MUSK: variants seen among roughly 807,000 people sequenced by gnomAD.
MUSK encodes muscle, skeletal receptor tyrosine-protein kinase.
Under a neutral mutation model 88.7 loss-of-function variants are expected in MUSK, and 55 were observed. The observed-to-expected ratio is 0.62, with a 90% CI of 0.50 to 0.78. The LOEUF (loss-of-function observed/expected upper bound fraction) is 0.78. Among genes scored for constraint, MUSK ranks in the 30% least tolerant of loss-of-function variants. The pLI is 0.00. For synonymous variants in MUSK, 387 were observed against 391.9 expected, an observed-to-expected ratio of 0.99 and a Z score of 0.15; for missense variants, 1,015 against 1,074.3, an observed-to-expected ratio of 0.94 and a Z score of 0.77.
intron 11 of MUSK, among the ~76,000 whole-genome samples, chr9:110,783,884 A>C (rs2077806637): frequency 6.6e-6 from 1 of 152,022 alleles, no homozygotes; most frequent in South Asian, 2.1e-4. Flanking sequence ...GCTTGTGTCT[A>C]ATCTATAACT....
chr9:110,689,718 T>TAGTTATATATAAATATATAACTATA (rs370720549), intron 3 of MUSK, among the ~76,000 whole-genome samples: 1 of 51,662 alleles, frequency 1.9e-5, no homozygotes, highest in Non-Finnish European at 2.9e-5. Flanking sequence ...TAACTATATA[T>TAGTTATATATAAATATATAACTATA]GTTATATATA....
intron 11 of MUSK, among the ~76,000 whole-genome samples, chr9:110,783,012 T>C (rs1003123737): frequency 6.6e-6 from 1 of 152,236 alleles, no homozygotes; most frequent in African/African-American, 2.4e-5. Flanking sequence ...ACTTCATGTA[T>C]GACTAAGAAG....
In MUSK at chr9:110,728,350, C is replaced by T. The variant is rs1265930947; in HGVS notation, c.629-5901C>T. ...GAACGCAATGTATGAGAATAGTAGGCACTCTGTAGCCTTGAAAGAAAGGGT... is the reference window on the plus strand; with the variant it reads ...GAACGCAATGTATGAGAATAGTAGGTACTCTGTAGCCTTGAAAGAAAGGGT... On this transcript the variant is annotated intron_variant, in intron 5 of 14. Transcript: ENST00000374448. The T allele has an allele frequency of 3.4e-5, 9 of 265,802 alleles. No homozygotes were observed. The East Asian group carries it at 9.3e-4, about 27-fold the overall frequency. The allele number at this position is 265,802 out of a possible 1,614,324, so 16.5% of individuals were successfully genotyped here.
intron 6 of MUSK, among the ~76,000 whole-genome samples, chr9:110,746,926 T>A (rs1180797100): frequency 6.6e-6 from 1 of 152,152 alleles, no homozygotes; most frequent in East Asian, 1.9e-4. Context: ...GTTATGAAAA[T>A]AAGTCCTTAA....
chr9:110,682,469 T>C (rs2076146361), intron 1 of MUSK, among the ~76,000 whole-genome samples: 2 of 152,098 alleles, frequency 1.3e-5, no homozygotes, highest in Admixed American at 6.6e-5. Flanking sequence ...CCTGCTCTCC[T>C]GAGAGACTTC....
At chr9:110,689,068 AG>A (rs2076240902) in intron 3 of MUSK, among the ~76,000 whole-genome samples, 1 of 139,388 alleles carries the variant, frequency 7.2e-6, no homozygotes, top group African/African-American at 2.6e-5. Context: ...ATATAGCTAT[AG>A]TTATATATAG....
chr9:110,783,375 C>A (rs772042928), intron 11 of MUSK, among the ~76,000 whole-genome samples: 35 of 151,976 alleles, frequency 2.3e-4, no homozygotes, highest in Middle Eastern at 3.5e-3. Flanking sequence ...AAAAGAATGT[C>A]TTTTATAATG....
In MUSK at chr9:110,775,798, T is replaced by C; in HGVS notation, c.1195T>C (p.Leu399=). Residue 399 remains leucine (L), a synonymous_variant, in exon 10 of 15, where the codon TTG becomes CTG. Coordinates refer to ENST00000374448, the MANE Select transcript of MUSK (RefSeq NM_005592.4). ...CATATACTATTTTAGAGAGTACTGCTTGGCAGTAAAGGAGCTCTTCTGCGC... is the reference window on the plus strand; with the variant it reads ...CATATACTATTTTAGAGAGTACTGCCTGGCAGTAAAGGAGCTCTTCTGCGC... The part of the protein sequence containing the change: ...TPIPICREYC[L]AVKELFCAKE... 6.2e-7 allele frequency: 1 copy of C among 1,613,726 alleles called. No homozygotes were observed. The highest frequency in any genetic ancestry group is 2.2e-5 in the East Asian group (1 of 44,884).
chr9:110,775,121 C>A (rs2077646756), intron 9 of MUSK, among the ~76,000 whole-genome samples: 1 of 152,098 alleles, frequency 6.6e-6, no homozygotes, highest in African/African-American at 2.4e-5. Flanking sequence ...TTCTTCAGCC[C>A]CTTCACTCAT....
At chr9:110,722,460 G>A (rs184223063) in intron 5 of MUSK, among the ~76,000 whole-genome samples, 35 of 152,080 alleles carry the variant, frequency 2.3e-4, no homozygotes, top group African/African-American at 7.0e-4. Flanking sequence ...AAACTGGGAG[G>A]TGGAGGTTGC....
At chr9:110,786,924 G>A (rs145990385) in intron 13 of MUSK, among the ~76,000 whole-genome samples, 1 of 152,204 alleles carries the variant, frequency 6.6e-6, no homozygotes, top group African/African-American at 2.4e-5. Context: ...CTGGCGTAGA[G>A]GTTACATGAA....
At chr9:110,699,185 T>G (rs2076470707) in intron 5 of MUSK, among the ~76,000 whole-genome samples, 1 of 152,182 alleles carries the variant, frequency 6.6e-6, no homozygotes. Context: ...TCAGTAACAT[T>G]GAATACTGCC....
rs761610023 is a variant in MUSK, at chr9:110,784,831, G to A, written c.1401G>A (p.Thr467=). The change falls in exon 12 of 15, where the codon ACG becomes ACA. Residue 467 remains threonine, a synonymous_variant. Transcript: ENST00000374448. ...TACTTACAGCATTCCCACCAATGAC[G>A]TCCTCAAAGCCAAGTGTGGACATTC... is the stretch of plus-strand genomic sequence containing the variant. ...KENLKTFPPM[T]SSKPSVDIPN... 1.4e-5 allele frequency: 22 copies of A among 1,610,164 alleles called. No homozygotes were observed. In the East Asian group the frequency reaches 2.0e-4, roughly 15 times the overall value.
chr9:110,689,683 CT>C (rs2076269362), intron 3 of MUSK, among the ~76,000 whole-genome samples: 1 of 61,448 alleles, frequency 1.6e-5, no homozygotes, highest in Non-Finnish European at 2.6e-5. Flanking sequence ...TTATATATAA[CT>C]ATATATAGTT....
At chr9:110,779,787 T>A (rs1474691217) in intron 11 of MUSK, among the ~76,000 whole-genome samples, 1 of 152,212 alleles carries the variant, frequency 6.6e-6, no homozygotes, top group Non-Finnish European at 1.5e-5. Context: ...CAATTCATAA[T>A]TATTTTTATT....
chr9:110,714,568 A>T (rs1220176187), intron 5 of MUSK, among the ~76,000 whole-genome samples: 2 of 152,204 alleles, frequency 1.3e-5, no homozygotes, highest in Admixed American at 1.3e-4. Context: ...AAACGTAAAC[A>T]GTGGCAGTAC....
chr9:110,776,067 A>ATTT, intron 10 of MUSK, 104 bp downstream of exon 10: 10 of 1,091,048 alleles, frequency 9.2e-6, no homozygotes, highest in African/African-American at 1.6e-5. Flanking sequence ...GGCATTTCTA[A>ATTT]TTTTTTTTTT....
intron 14 of MUSK, among the ~76,000 whole-genome samples, chr9:110,788,380 T>A (rs2077910087): frequency 6.6e-6 from 1 of 151,866 alleles, no homozygotes; most frequent in African/African-American, 2.4e-5. Flanking sequence ...GCCTATAATC[T>A]CAGCACTTTA....
chr9:110,763,109 A>T (rs1228847955), intron 8 of MUSK, among the ~76,000 whole-genome samples: 1 of 152,172 alleles, frequency 6.6e-6, no homozygotes, highest in African/African-American at 2.4e-5. Context: ...TTAACTAAAA[A>T]CACCTTTTAA....
Sources: gnomAD v4.1 joint callset for allele counts (sites outside exome capture counted in the v4.1 genomes callset) on GRCh38, gnomAD v4.1.1 for gene constraint, MANE v1.5 for transcripts, NCBI Gene and HGNC (gene_info 2026-07-23, HGNC 2026-07-21) for gene names.